Variants in RBFOX1 observed in about 807,000 individuals in gnomAD.
RBFOX1 encodes RNA binding protein fox-1 homolog 1.
RBFOX1 carries 8 observed loss-of-function variants against 57.7 expected under a neutral mutation model. The ratio of observed to expected loss-of-function variants is 0.14; its 90% CI spans 0.08 to 0.25. The LOEUF (loss-of-function observed/expected upper bound fraction) is 0.25. Among genes scored for constraint, RBFOX1 ranks in the 10% least tolerant of loss-of-function variants. RBFOX1 has a pLI of 1.00. For synonymous variants in RBFOX1, 326 were observed against 222.4 expected (o/e 1.47, Z -4.15); for missense variants, 611 against 548.5 (o/e 1.11, Z -1.14).
intron 2 of RBFOX1, among the ~76,000 whole-genome samples, chr16:6,630,091 C>G (rs565245430): frequency 1.3e-5 from 2 of 152,034 alleles, no homozygotes; most frequent in African/African-American, 2.4e-5. Flanking sequence ...TTTCAAATCC[C>G]TCCTTGGTCT....
intron 4 of RBFOX1, among the ~76,000 whole-genome samples, chr16:5,988,509 A>G (rs1252740052): frequency 6.6e-6 from 1 of 152,156 alleles, no homozygotes. Flanking sequence ...CTAAGTTCCC[A>G]GAGGAAGGAG....
intron 1 of RBFOX1, chr16:5,365,809 T>C: frequency 3.9e-6 from 2 of 515,992 alleles, no homozygotes; most frequent in Non-Finnish European, 7.7e-6. Context: ...GAAGATTCAG[T>C]GGACATGGAC....
chr16:6,795,732 C>G (rs755111092), intron 3 of RBFOX1, among the ~76,000 whole-genome samples: 3 of 150,746 alleles, frequency 2.0e-5, no homozygotes, highest in Non-Finnish European at 4.4e-5. Context: ...CACCACTGCA[C>G]TCTAGCCTGG....
At chr16:6,040,272 T>C (rs373313065) in intron 1 of RBFOX1, among the ~76,000 whole-genome samples, 7 of 152,242 alleles carry the variant, frequency 4.6e-5, no homozygotes, top group Non-Finnish European at 1.0e-4. Context: ...TACATTCATA[T>C]TGTTGCGCAA....
intron 14 of RBFOX1, among the ~76,000 whole-genome samples, chr16:7,684,383 T>C (rs949477599): frequency 6.6e-6 from 1 of 152,090 alleles, no homozygotes; most frequent in African/African-American, 2.4e-5. Flanking sequence ...CTAGGGAGAA[T>C]AGAAGGAGTA....
intron 2 of RBFOX1, among the ~76,000 whole-genome samples, chr16:5,531,735 C>G (rs2044485315): frequency 6.6e-6 from 1 of 151,596 alleles, no homozygotes; most frequent in Admixed American, 6.6e-5. Flanking sequence ...AAGTATTTAA[C>G]TTCTATTAAG....
chr16:5,703,274 T>A (rs2051117631), intron 3 of RBFOX1, among the ~76,000 whole-genome samples: 1 of 152,212 alleles, frequency 6.6e-6, no homozygotes, highest in African/African-American at 2.4e-5. Context: ...GGGAAAAGGC[T>A]TTCTGGAGGA....
intron 1 of RBFOX1, among the ~76,000 whole-genome samples, chr16:6,130,124 G>T (rs1052552536): frequency 3.3e-5 from 5 of 152,062 alleles, no homozygotes; most frequent in African/African-American, 1.2e-4. Context: ...TCTACCATAG[G>T]TATATTAATG....
chr16:7,258,390 T>C (rs1335425687), intron 4 of RBFOX1, among the ~76,000 whole-genome samples: 1 of 152,202 alleles, frequency 6.6e-6, no homozygotes, highest in Non-Finnish European at 1.5e-5. Flanking sequence ...CTAAATACAC[T>C]TAACTTGGGA....
intron 2 of RBFOX1, among the ~76,000 whole-genome samples, chr16:6,369,320 C>T (rs2090105124): frequency 6.6e-6 from 1 of 152,098 alleles, no homozygotes; most frequent in Admixed American, 6.5e-5. Context: ...ATGTATTCTG[C>T]TGAACTTGCT....
At chr16:7,705,020 G>A (rs1421949848) in intron 14 of RBFOX1, among the ~76,000 whole-genome samples, 1 of 143,936 alleles carries the variant, frequency 6.9e-6, no homozygotes, top group Non-Finnish European at 1.5e-5. Flanking sequence ...CTCCAGCCGA[G>A]GTGACAGAGC....
chr16:6,023,138 A>G (rs770608013), intron 1 of RBFOX1, among the ~76,000 whole-genome samples: 2 of 152,134 alleles, frequency 1.3e-5, no homozygotes, highest in Non-Finnish European at 2.9e-5. Context: ...TAGAACGTAC[A>G]GTTTTTTACA....
At chr16:7,158,789 C>T (rs188084648) in intron 4 of RBFOX1, among the ~76,000 whole-genome samples, 1 of 151,730 alleles carries the variant, frequency 6.6e-6, no homozygotes, top group African/African-American at 2.4e-5. Flanking sequence ...TGTCTGCATG[C>T]ATATGCGTTT....
intron 13 of RBFOX1, among the ~76,000 whole-genome samples, chr16:7,670,165 G>C (rs1417552416): frequency 6.6e-6 from 1 of 152,122 alleles, no homozygotes; most frequent in African/African-American, 2.4e-5. Context: ...CCAGATAGCT[G>C]AGACTACATG....
intron 2 of RBFOX1, among the ~76,000 whole-genome samples, chr16:5,501,670 A>T (rs935322278): frequency 7.9e-5 from 12 of 152,126 alleles, no homozygotes; most frequent in African/African-American, 2.7e-4. Context: ...CTCCAAACAC[A>T]GTTCATGGTG....
chr16:6,623,400 C>T (rs1055661979), intron 2 of RBFOX1, among the ~76,000 whole-genome samples: 2 of 151,864 alleles, frequency 1.3e-5, no homozygotes, highest in East Asian at 1.9e-4. Context: ...TTTCATGCAA[C>T]CCCTGGTACT....
intron 3 of RBFOX1, among the ~76,000 whole-genome samples, chr16:6,947,582 G>A (rs1377163987): frequency 6.6e-6 from 1 of 152,140 alleles, no homozygotes; most frequent in African/African-American, 2.4e-5. Flanking sequence ...CTTCCTTGCA[G>A]CTTGCTGCCT....
Position 6,779,973 on chromosome 16 carries a change from T to A in RBFOX1, c.-16+125323T>A, listed in dbSNP as rs867503701. Among the ~76,000 whole-genome samples the A allele has an allele frequency of 4.2e-4, 11 of 25,980 alleles. 1 individual carries two copies. The highest frequency in any genetic ancestry group is 2.4e-3 in the African/African-American group (11 of 4,536). The allele number at this position is 25,980 out of a possible 152,430, so 17.0% of individuals were successfully genotyped here. A position where few individuals can be genotyped will look rare whatever the true frequency, so the allele number is the denominator to read the frequency against. Reference sequence around the variant, plus strand: ...TATATATTTATATATTTATATATATTTATATATTTATATATTTATATATTT... The same window carrying A: ...TATATATTTATATATTTATATATATATATATATTTATATATTTATATATTT... On this transcript the variant is annotated intron_variant, in intron 3 of 15. Transcript: ENST00000550418.
chr16:6,965,668 A>G (rs1247496222), intron 3 of RBFOX1, among the ~76,000 whole-genome samples: 1 of 152,154 alleles, frequency 6.6e-6, no homozygotes, highest in Admixed American at 6.5e-5. Context: ...GTTCTGGAAA[A>G]TGTGAGTCCA....
Sources: gnomAD v4.1 joint callset for allele counts (sites outside exome capture counted in the v4.1 genomes callset) on GRCh38, gnomAD v4.1.1 for gene constraint, MANE v1.5 for transcripts, NCBI Gene and HGNC (gene_info 2026-07-23, HGNC 2026-07-21) for gene names.